The following COL5A3 variants were observed in gnomAD, a reference collection of about 807,000 sequenced individuals.
The protein encoded by COL5A3 is collagen type V alpha 3 chain.
A neutral mutation model predicts 250.0 loss-of-function variants in COL5A3; 172 were observed. That is an observed-to-expected ratio of 0.69 (90% confidence interval 0.61 to 0.78). The LOEUF (loss-of-function observed/expected upper bound fraction) is 0.78, where lower values mean the gene tolerates loss of function less well. COL5A3 is among the 30% of genes least tolerant of loss of function. COL5A3 has a pLI of 0.00. For synonymous variants in COL5A3, 937 were observed against 900.4 expected (o/e 1.04, Z -0.73); for missense variants, 2,340 against 2,334.4 (o/e 1.00, Z -0.05).
At chr19:9,978,512 C>T (rs945267617) in intron 41 of COL5A3, 62 bp downstream of exon 41, 11 of 1,123,072 alleles carry the variant, frequency 9.8e-6, no homozygotes, top group Middle Eastern at 2.5e-4. Context: ...CAATGTCAAG[C>T]TTCCAAGACA....
At position 9,980,026 on chromosome 19, in the gene COL5A3, G is replaced by A. The variant is rs558349022; in HGVS notation, c.2626C>T (p.Pro876Ser). Reference sequence around the variant, plus strand: ...CCCTTTGGCCCAGGGAATCCTGGAGGGCCTTGCAGACCAGGGAGGCCCTGA... The same window carrying A: ...CCCTTTGGCCCAGGGAATCCTGGAGAGCCTTGCAGACCAGGGAGGCCCTGA... ...GEKGLPGLQG[P>S]PGFPGPKGPP... The change falls in exon 36 of 67, where the codon CCT (proline) becomes TCT (serine). Residue 876 changes from proline (P) to serine (S), a missense_variant. Physicochemically the swap from Pro to Ser is moderately conservative, Grantham distance 74. Coordinates refer to ENST00000264828, the MANE Select transcript of COL5A3 (RefSeq NM_015719.4). The A allele has an allele frequency of 1.3e-6, 2 of 1,592,394 alleles. No homozygotes were observed. The highest frequency in any genetic ancestry group is 2.3e-5 in the East Asian group (1 of 44,386).
chr19:9,998,763 C>A (rs1428683701), intron 8 of COL5A3, among the ~76,000 whole-genome samples: 2 of 151,768 alleles, frequency 1.3e-5, no homozygotes, highest in Non-Finnish European at 2.9e-5. Flanking sequence ...CAGCTCACTG[C>A]ACCTTCTACC....
At position 9,996,499 on chromosome 19, in the gene COL5A3, GC is replaced by G. The variant is rs761679346; in HGVS notation, c.1355del (p.Gly452AlafsTer26). On this transcript the variant is annotated frameshift_variant, in exon 13 of 67. Coordinates refer to ENST00000264828, the MANE Select transcript of COL5A3 (RefSeq NM_015719.4). LOFTEE classifies it high-confidence loss of function. ...ATGAGACTGGGGGGCCTTTAAAGGAGCCGCCTGCAAACTGGAACTGGGAGGA... is the reference window on the plus strand; with the variant it reads ...ATGAGACTGGGGGGCCTTTAAAGGAGCGCCTGCAAACTGGAACTGGGAGGA... ...VIMMPFQFAG[G>X]SFKGPPVSFQ... 27 of 1,614,020 alleles carry G rather than the reference GC, an allele frequency of 1.7e-5. No homozygotes were observed. The highest frequency in any genetic ancestry group is 2.3e-5 in the Non-Finnish European group (27 of 1,180,012).
At chr19:9,980,126 G>A in intron 35 of COL5A3, 79 bp from the exon 36 acceptor site, 1 of 1,364,678 alleles carries the variant, frequency 7.3e-7, no homozygotes, top group Non-Finnish European at 1.0e-6. Flanking sequence ...ATGACAACAG[G>A]ATCGAGCACA....
intron 27 of COL5A3, 41 bp from the exon 28 acceptor site, chr19:9,986,799 C>T: frequency 6.2e-7 from 1 of 1,609,098 alleles, no homozygotes; most frequent in Non-Finnish European, 8.5e-7. Flanking sequence ...CTCTTCCCTG[C>T]TTAAGAAGTG....
Position 9,967,527 on chromosome 19 carries a change from ACACT to A in COL5A3, c.4405-131_4405-128del, listed in dbSNP as rs1381934675. On this transcript the variant is annotated intron_variant, in intron 61 of 66. Coordinates refer to ENST00000264828, the MANE Select transcript of COL5A3 (RefSeq NM_015719.4). The stretch of plus-strand genomic sequence containing the variant: ...CACACAGTCTCACACACTCACATAC[ACACT>A]CACTCACACACTCACACACACACAT... 336 of 680,798 alleles carry A rather than the reference ACACT, an allele frequency of 4.9e-4. 2 individuals are homozygous for A. The East Asian group carries it at 6.0e-3, about 12-fold the overall frequency. The allele number at this position is 680,798 out of a possible 1,614,324, so 42.2% of individuals were successfully genotyped here. A position where few individuals can be genotyped will look rare whatever the true frequency, so the allele number is the denominator to read the frequency against.
At chr19:10,006,565 C>G (rs1038831559) in intron 1 of COL5A3, among the ~76,000 whole-genome samples, 1 of 152,154 alleles carries the variant, frequency 6.6e-6, no homozygotes, top group Non-Finnish European at 1.5e-5. Context: ...TCTCCCTGCT[C>G]TCCCGCGCAG....
rs1474214085 is a variant in COL5A3 at position 9,991,590 on chromosome 19, T to C, written c.1992+20A>G. On this transcript the variant is annotated intron_variant, in intron 24 of 66. Transcript: ENST00000264828. ...GGAAGAAGACTTGAGGAGGTCGCGG[T>C]AGGTGGAGCTGTCACTCACCTTCTC... 6.4e-7 allele frequency: 1 copy of C among 1,573,554 alleles called. No individual in the cohort carries two copies. Among genetic ancestry groups the C allele is most frequent in the Non-Finnish European group, 8.6e-7 (1 of 1,159,170 alleles).
intron 33 of COL5A3, 109 bp downstream of exon 33, chr19:9,980,979 G>T: frequency 6.6e-7 from 1 of 1,505,318 alleles, no homozygotes; most frequent in Non-Finnish European, 9.2e-7. Flanking sequence ...CAGGGACATT[G>T]ATATAACCCA....
rs368590757 is a variant in COL5A3, at chr19:9,973,449, G to A, written c.3666+121C>T. On this transcript the variant is annotated intron_variant, in intron 50 of 66. Transcript: ENST00000264828. Reference sequence around the variant, plus strand: ...GTCCTTCCTCAAGGTAATCAGGGACGGCCACAGGACAGGGGTGAGTGGATG... The same window carrying A: ...GTCCTTCCTCAAGGTAATCAGGGACAGCCACAGGACAGGGGTGAGTGGATG... 78 of 995,504 alleles carry A rather than the reference G, an allele frequency of 7.8e-5. 2 individuals are homozygous for A. The East Asian group carries it at 1.4e-3, about 17-fold the overall frequency. 61.7% of individuals were successfully genotyped at this position (995,504 alleles called of 1,614,324 possible). A position where few individuals can be genotyped will look rare whatever the true frequency, so the allele number is the denominator to read the frequency against.
At position 9,979,886 on chromosome 19, in the gene COL5A3, G is replaced by A; in HGVS notation, c.2665C>T (p.Gln889Ter). Residue 889 changes from glutamine to a stop codon, truncating the protein, a stop_gained, in exon 37 of 67, where the codon CAA (glutamine) becomes TAA (stop). Coordinates refer to ENST00000264828, the MANE Select transcript of COL5A3 (RefSeq NM_015719.4). LOFTEE classifies it high-confidence loss of function. ...TGCCCTGGTCGCCCATCTTTACCTT[G>A]GTGACCCTGGGGGATGAGGTGGGAA... ...FPGPKGPPGH[Q>*]GKDGRPGHPG... 6.4e-7 allele frequency: 1 copy of A among 1,572,750 alleles called. No homozygotes were observed. Among genetic ancestry groups the A allele is most frequent in the Non-Finnish European group, 8.6e-7 (1 of 1,166,956 alleles).
In COL5A3 at chr19:9,979,999, G is replaced by C. The variant is rs142449519; in HGVS notation, c.2653C>G (p.Pro885Ala). The change falls in exon 36 of 67, where the codon CCC (proline) becomes GCC (alanine). Residue 885 changes from proline (P) to alanine (A), a missense_variant. Physicochemically the swap from Pro to Ala is conservative, Grantham distance 27 (BLOSUM62 -1). Transcript: ENST00000264828. ...GPPGFPGPKGPPGHQGKDGRP... is the reference protein window; with the variant it reads ...GPPGFPGPKGAPGHQGKDGRP... ...ATGAGGGTGACCTCACTCACAGGGG[G>C]GCCCTTTGGCCCAGGGAATCCTGGA... 1.4e-5 allele frequency: 23 copies of C among 1,586,312 alleles called. No homozygotes were observed. The African/African-American group carries it at 2.2e-4, about 15-fold the overall frequency.
intron 20 of COL5A3, 55 bp downstream of exon 20, chr19:9,992,968 G>A: frequency 6.2e-7 from 1 of 1,608,472 alleles, no homozygotes; most frequent in South Asian, 1.1e-5. Flanking sequence ...GGCCCTGGGA[G>A]TCCTGACTCC....
At chr19:9,991,945 T>C (rs867055106) in intron 22 of COL5A3, 59 bp downstream of exon 22, 3 of 1,571,908 alleles carry the variant, frequency 1.9e-6, no homozygotes, top group Middle Eastern at 3.3e-4. Flanking sequence ...AATAGGGATG[T>C]GGACAATCGG....
intron 65 of COL5A3, among the ~76,000 whole-genome samples, chr19:9,962,268 G>A (rs1025897398): frequency 1.3e-5 from 2 of 152,020 alleles, no homozygotes; most frequent in African/African-American, 4.8e-5. Context: ...CACCATGTCT[G>A]GCTAATTTTT....
chr19:9,997,387 C>T lies in COL5A3; in HGVS notation c.1247G>A (p.Gly416Asp). The change falls in exon 11 of 67, where the codon GGC becomes GAC. Residue 416 changes from glycine (G) to aspartate (D), a missense_variant. This residue lies in a region of COL5A3 where 1,152 missense variants were observed against 1,146.3 expected (regional missense o/e 1.00). Transcript: ENST00000264828. ...SGPPGPPGFP[G>D]DPGPPGPAGL... ...GTCTCTTACCGGTGGACCAGGGTCG[C>T]CAGGGAATCCTGGGGGGCCGGGAGG... 6.2e-7 allele frequency: 1 copy of T among 1,610,032 alleles called. No individual in the cohort carries two copies. Among genetic ancestry groups the T allele is most frequent in the Non-Finnish European group, 8.5e-7 (1 of 1,178,556 alleles).
At chr19:9,969,121 G>T (rs1215575873) in intron 57 of COL5A3, among the ~76,000 whole-genome samples, 1 of 152,042 alleles carries the variant, frequency 6.6e-6, no homozygotes, top group Non-Finnish European at 1.5e-5. Flanking sequence ...TTATAGAGAT[G>T]GGCAGTGTAG....
At position 9,996,736 on chromosome 19, in the gene COL5A3, G is replaced by A. The variant is rs561538707; in HGVS notation, c.1264-47C>T. 11 of 1,469,532 alleles carry A rather than the reference G, an allele frequency of 7.5e-6. 1 individual carries two copies. The South Asian group carries it at 1.1e-4, about 15-fold the overall frequency. The allele number at this position is 1,469,532 out of a possible 1,614,324, so 91.0% of individuals were successfully genotyped here. ...AGAGGTGGAGACAGGGAGAGAGGGAGAGAGAGAGCGAGGACAGGGGAGGCA... is the reference window on the plus strand; with the variant it reads ...AGAGGTGGAGACAGGGAGAGAGGGAAAGAGAGAGCGAGGACAGGGGAGGCA... On this transcript the variant is annotated intron_variant, in intron 11 of 66. Coordinates refer to ENST00000264828, the MANE Select transcript of COL5A3 (RefSeq NM_015719.4).
At position 9,977,613 on chromosome 19, in the gene COL5A3, GC is replaced by G; in HGVS notation, c.3106del (p.Ala1036GlnfsTer108). The G allele has an allele frequency of 6.3e-7, 1 of 1,599,624 alleles. No individual in the cohort carries two copies. Among genetic ancestry groups the G allele is most frequent in the East Asian group, 2.2e-5 (1 of 44,710 alleles). ...ACTTACCCGGGACCCCTTCTTGCCT[GC>G]AGGGCCAACGGGGCCTTCGCTGCCA... ...QSGSEGPVGP[A>X]GKKGSRGERG... is the part of the protein sequence containing the mutation. On this transcript the variant is annotated frameshift_variant, in exon 42 of 67. Coordinates refer to ENST00000264828, the MANE Select transcript of COL5A3 (RefSeq NM_015719.4). LOFTEE classifies it high-confidence loss of function.
Sources: allele counts gnomAD v4.1 joint callset (sites outside exome capture counted in the v4.1 genomes callset), GRCh38; gene constraint gnomAD v4.1.1; regional missense constraint gnomAD v4.1.1; transcripts MANE v1.5; gene names NCBI Gene and HGNC (gene_info 2026-07-23, HGNC 2026-07-21).